Variants in CSMD1 observed in about 807,000 individuals in gnomAD.
The protein encoded by CSMD1 is CUB and Sushi multiple domains 1, also known as CUB and sushi domain-containing protein 1.
A neutral mutation model predicts 417.5 loss-of-function variants in CSMD1; 213 were observed. That is an observed-to-expected ratio of 0.51 (90% confidence interval 0.46 to 0.57). The LOEUF (loss-of-function observed/expected upper bound fraction) is 0.57. Among genes scored for constraint, CSMD1 ranks in the 20% least tolerant of loss-of-function variants. The pLI is 0.00. For missense variants in CSMD1, 6,923 were observed against 4,529.7 expected (o/e 1.53, Z -15.17); for synonymous variants, 2,862 against 1,736.8 (o/e 1.65, Z -16.11).
rs931630439 is a variant in CSMD1 at position 4,263,431 on chromosome 8, A to C, written c.415+156522T>G. ...ACATTCAGGTAAACAAAAACATCGT[A>C]TGGGACTGCTTTTAGATTTGTGACA... On this transcript the variant is annotated intron_variant, in intron 3 of 69. Coordinates refer to ENST00000635120, the MANE Select transcript of CSMD1 (RefSeq NM_033225.6). Among the ~76,000 whole-genome samples the C allele has an allele frequency of 2.4e-4, 37 of 152,306 alleles. 2 individuals carry two copies. The highest frequency in any genetic ancestry group is 3.4e-3 in the Middle Eastern group (1 of 294).
At chr8:3,809,105 G>T (rs1259875030) in intron 5 of CSMD1, among the ~76,000 whole-genome samples, 1 of 152,044 alleles carries the variant, frequency 6.6e-6, no homozygotes, top group Non-Finnish European at 1.5e-5. Context: ...CCTGCCACCG[G>T]GCACATGCTC....
chr8:4,049,669 G>T (rs191412850), intron 3 of CSMD1, among the ~76,000 whole-genome samples: 1 of 151,998 alleles, frequency 6.6e-6, no homozygotes, highest in Non-Finnish European at 1.5e-5. Context: ...ACAAGCATAG[G>T]TATAGATATT....
chr8:4,365,574 A>T (rs528943449), intron 3 of CSMD1, among the ~76,000 whole-genome samples: 3 of 152,210 alleles, frequency 2.0e-5, no homozygotes, highest in Admixed American at 2.0e-4. Flanking sequence ...CTTATTGATG[A>T]TATCAAGCAG....
chr8:4,776,544 G>A (rs1370785168), intron 1 of CSMD1, among the ~76,000 whole-genome samples: 8 of 152,110 alleles, frequency 5.3e-5, no homozygotes. Context: ...ATATTTCTGT[G>A]AAATTCCACT....
At chr8:3,473,368 GCTT>G (rs1228800676) in intron 11 of CSMD1, among the ~76,000 whole-genome samples, 2 of 152,090 alleles carry the variant, frequency 1.3e-5, no homozygotes, top group Non-Finnish European at 2.9e-5. Flanking sequence ...TGTAATTACA[GCTT>G]ATTATAGTTA....
intron 23 of CSMD1, among the ~76,000 whole-genome samples, chr8:3,339,252 C>T (rs1260720115): frequency 1.3e-5 from 2 of 151,992 alleles, no homozygotes; most frequent in Admixed American, 6.6e-5. Context: ...TTTGGAATGT[C>T]GTTTATACCC....
chr8:4,749,712 A>C (rs1811181402), intron 1 of CSMD1, among the ~76,000 whole-genome samples: 1 of 152,144 alleles, frequency 6.6e-6, no homozygotes. Context: ...TAAGAAATTC[A>C]TTGCAATAAT....
intron 1 of CSMD1, among the ~76,000 whole-genome samples, chr8:4,710,462 T>C (rs192676139): frequency 4.4e-4 from 54 of 122,832 alleles, no homozygotes; most frequent in African/African-American, 1.6e-3. Context: ...TATAATGGAA[T>C]ATTATATATA....
At chr8:4,462,308 A>G (rs1799883423) in intron 2 of CSMD1, among the ~76,000 whole-genome samples, 1 of 152,232 alleles carries the variant, frequency 6.6e-6, no homozygotes, top group Admixed American at 6.5e-5. Flanking sequence ...AGTACAAAAT[A>G]TATATTCCAA....
chr8:3,847,717 A>G (rs1803605489), intron 5 of CSMD1, among the ~76,000 whole-genome samples: 1 of 152,092 alleles, frequency 6.6e-6, no homozygotes, highest in African/African-American at 2.4e-5. Context: ...ATGCTTCCTT[A>G]TAGCAAGTCT....
chr8:4,002,480 C>A (rs1055770294), intron 4 of CSMD1, among the ~76,000 whole-genome samples: 1 of 152,198 alleles, frequency 6.6e-6, no homozygotes, highest in African/African-American at 2.4e-5. Flanking sequence ...CTATGAAGCT[C>A]TACAGGATGA....
At chr8:4,166,618 G>C (rs1488937953) in intron 3 of CSMD1, among the ~76,000 whole-genome samples, 1 of 152,150 alleles carries the variant, frequency 6.6e-6, no homozygotes, top group African/African-American at 2.4e-5. Context: ...ACTGTAGGAT[G>C]GGAGCAGGGG....
At chr8:3,923,687 A>G (rs1809441059) in intron 5 of CSMD1, among the ~76,000 whole-genome samples, 1 of 152,162 alleles carries the variant, frequency 6.6e-6, no homozygotes, top group South Asian at 2.1e-4. Flanking sequence ...ATCTGTAGTC[A>G]CCATGCTGTA....
intron 8 of CSMD1, chr8:3,598,429 T>G (rs1181227482): frequency 6.6e-6 from 1 of 152,202 alleles, no homozygotes; most frequent in African/African-American, 2.4e-5. Context: ...AGATTTTCCC[T>G]CAGGGTTTTT....
chr8:4,253,019 C>A (rs1341062873), intron 3 of CSMD1, among the ~76,000 whole-genome samples: 1 of 152,198 alleles, frequency 6.6e-6, no homozygotes, highest in Non-Finnish European at 1.5e-5. Flanking sequence ...TCGGTACCAG[C>A]AGCTGAACAA....
At chr8:3,901,581 A>C (rs918916955) in intron 5 of CSMD1, among the ~76,000 whole-genome samples, 2 of 152,242 alleles carry the variant, frequency 1.3e-5, no homozygotes, top group Non-Finnish European at 2.9e-5. Context: ...TCATTCGGAG[A>C]GCCTTGGGGC....
chr8:3,985,371 C>A (rs1373251734), intron 5 of CSMD1, among the ~76,000 whole-genome samples: 4 of 152,110 alleles, frequency 2.6e-5, no homozygotes, highest in South Asian at 2.1e-4. Flanking sequence ...GTTTTCCTTT[C>A]TTCCATAGAA....
intron 6 of CSMD1, among the ~76,000 whole-genome samples, chr8:3,731,680 T>C (rs556875386): frequency 4.9e-4 from 74 of 152,128 alleles, no homozygotes; most frequent in African/African-American, 1.6e-3. Context: ...TCAGCAACAA[T>C]TGAGGAAACA....
At chr8:4,518,221 T>A (rs1194635058) in intron 2 of CSMD1, among the ~76,000 whole-genome samples, 1 of 152,104 alleles carries the variant, frequency 6.6e-6, no homozygotes, top group Admixed American at 6.5e-5. Flanking sequence ...CATGTTGTCA[T>A]AAATCTGGCC....
Sources: gnomAD v4.1 joint callset for allele counts (sites outside exome capture counted in the v4.1 genomes callset) on GRCh38, gnomAD v4.1.1 for gene constraint, MANE v1.5 for transcripts, NCBI Gene and HGNC (gene_info 2026-07-23, HGNC 2026-07-21) for gene names.